Variants in ANK3 observed in about 807,000 individuals in gnomAD.
ANK3 encodes the protein ankyrin-3.
Under a neutral mutation model 370.9 loss-of-function variants are expected in ANK3, and 57 were observed. The observed-to-expected ratio is 0.15, with a 90% confidence interval of 0.12 to 0.19. The LOEUF is 0.19. Ranked by LOEUF, ANK3 falls within the 10% of genes least tolerant of loss-of-function variation. The pLI, the probability that ANK3 is intolerant of heterozygous loss-of-function variation, is 1.00. For synonymous variants in ANK3, 1,929 were observed against 1,946.3 expected, an observed-to-expected ratio of 0.99 and a Z score of 0.23; for missense variants, 4,439 against 5,302.1, an observed-to-expected ratio of 0.84 and a Z score of 5.06.
chr10:60,679,643 C>T (rs953136162), intron 1 of ANK3, among the ~76,000 whole-genome samples: 1 of 152,088 alleles, frequency 6.6e-6, no homozygotes, highest in African/African-American at 2.4e-5. Context: ...ACCGTGCATG[C>T]GGATAGCCTA....
intron 1 of ANK3, among the ~76,000 whole-genome samples, chr10:60,722,607 G>A (rs528214672): frequency 1.3e-5 from 2 of 152,210 alleles, no homozygotes; most frequent in African/African-American, 4.8e-5. Flanking sequence ...AAAGGATATG[G>A]TTTGGATGTT....
chr10:60,150,519 A>G (rs1300098569), intron 23 of ANK3, among the ~76,000 whole-genome samples: 2 of 152,030 alleles, frequency 1.3e-5, no homozygotes, highest in African/African-American at 4.8e-5. Context: ...TGCCCTCCAA[A>G]TCACATGTTG....
intron 1 of ANK3, among the ~76,000 whole-genome samples, chr10:60,642,582 T>C (rs1039211217): frequency 4.1e-5 from 6 of 146,336 alleles, no homozygotes; most frequent in Admixed American, 1.5e-4. Context: ...AATTGAACAA[T>C]GAGATCACAT....
At chr10:60,587,570 T>C (rs1191546804) in intron 2 of ANK3, among the ~76,000 whole-genome samples, 1 of 152,164 alleles carries the variant, frequency 6.6e-6, no homozygotes. Context: ...ACTGCAGTCA[T>C]GGACTCAGTG....
chr10:60,511,212 T>C (rs2076070975), intron 2 of ANK3, among the ~76,000 whole-genome samples: 1 of 152,180 alleles, frequency 6.6e-6, no homozygotes, highest in Admixed American at 6.6e-5. Flanking sequence ...AATCCTTATT[T>C]ATCTCCTTTC....
intron 25 of ANK3, among the ~76,000 whole-genome samples, chr10:60,118,681 AG>A (rs1185832855): frequency 6.6e-6 from 1 of 152,032 alleles, no homozygotes; most frequent in Admixed American, 6.6e-5. Context: ...AGTGGAGTGG[AG>A]GGCAAGCTAC....
At position 60,514,919 on chromosome 10, in the gene ANK3, G is replaced by C. The variant is rs114836867; in HGVS notation, c.96+100267C>G. ...ATATAAAATGACAAATTTTATTGTAGAGAGTTGTGTCTTTGGTTGATAACT... is the reference window on the plus strand; with the variant it reads ...ATATAAAATGACAAATTTTATTGTACAGAGTTGTGTCTTTGGTTGATAACT... On this transcript the variant is annotated intron_variant, in intron 2 of 43. Transcript: ENST00000373827. Among the ~76,000 whole-genome samples, 1,412 of 152,120 alleles carry C rather than the reference G, an allele frequency of 9.3e-3. 17 individuals carry two copies. The highest frequency in any genetic ancestry group is 0.032 in the African/African-American group (1,325 of 41,520).
chr10:60,413,214 G>A (rs560419498), intron 2 of ANK3, among the ~76,000 whole-genome samples: 2 of 152,150 alleles, frequency 1.3e-5, no homozygotes, highest in Non-Finnish European at 2.9e-5. Flanking sequence ...TTTACTAAAG[G>A]CAATATTAAG....
At position 60,074,638 on chromosome 10, in the gene ANK3, C is replaced by T; in HGVS notation, c.6243G>A (p.Met2081Ile). The T allele has an allele frequency of 6.2e-7, 1 of 1,613,944 alleles. No homozygotes were observed. The highest frequency in any genetic ancestry group is 1.1e-5 in the South Asian group (1 of 90,992). ...AIALQEHKLK[M>I]PPASMRTSTS... ...TGGAAGTCCTCATGGAGGCTGGAGG[C>T]ATTTTGAGTTTGTGTTCCTGCAAAG... is the stretch of plus-strand genomic sequence containing the variant. Residue 2081 changes from methionine to isoleucine, a missense_variant, in exon 37 of 44, where the codon ATG (methionine) becomes ATA (isoleucine). By Grantham distance (10) the Met-to-Ile change is conservative. Coordinates refer to ENST00000280772, the MANE Select transcript of ANK3 (RefSeq NM_020987.5).
intron 2 of ANK3, among the ~76,000 whole-genome samples, chr10:60,484,388 T>C (rs1280818925): frequency 6.6e-6 from 1 of 152,186 alleles, no homozygotes; most frequent in Non-Finnish European, 1.5e-5. Context: ...GGGAATTAGA[T>C]GATATCAAAG....
intron 25 of ANK3, among the ~76,000 whole-genome samples, chr10:60,125,077 G>C (rs2093688511): frequency 6.6e-6 from 1 of 151,736 alleles, no homozygotes. Flanking sequence ...TTTAAGAAAT[G>C]GATTCCATAA....
chr10:60,327,795 A>G (rs1039169240), intron 1 of ANK3, among the ~76,000 whole-genome samples: 1 of 152,334 alleles, frequency 6.6e-6, no homozygotes, highest in African/African-American at 2.4e-5. Context: ...AAAAAATGCC[A>G]GTTCTCTAGG....
chr10:60,484,718 C>G (rs113574856), intron 2 of ANK3, among the ~76,000 whole-genome samples: 3 of 152,262 alleles, frequency 2.0e-5, no homozygotes, highest in African/African-American at 7.2e-5. Context: ...AAAACAAAGA[C>G]AGAATCTAAG....
chr10:60,081,958 T>C (rs1199227739), intron 35 of ANK3, 192 bp downstream of exon 35: 6 of 426,446 alleles, frequency 1.4e-5, no homozygotes, highest in Non-Finnish European at 2.5e-5. Flanking sequence ...TCGTTGAATA[T>C]ATTTAAGTAC....
chr10:60,609,750 G>A (rs1057202866), intron 2 of ANK3, among the ~76,000 whole-genome samples: 5 of 152,196 alleles, frequency 3.3e-5, no homozygotes, highest in Middle Eastern at 3.4e-3. Flanking sequence ...AACAACATCT[G>A]TGCTAGACTG....
At position 60,210,786 on chromosome 10, in the gene ANK3, G is replaced by A. The variant is rs185840184; in HGVS notation, c.997-2553C>T. On this transcript the variant is annotated intron_variant, in intron 9 of 43. Transcript: ENST00000280772. ...TTCAGAATATGAAAAGAGGATTTGA[G>A]TGTGGTAATTCATCCAGCTGAAGAG... Among the ~76,000 whole-genome samples, 363 of 152,306 alleles carry A rather than the reference G, an allele frequency of 2.4e-3. 2 individuals are homozygous for A. Among genetic ancestry groups the A allele is most frequent in the African/African-American group, 8.4e-3 (349 of 41,562 alleles).
intron 1 of ANK3, among the ~76,000 whole-genome samples, chr10:60,378,048 C>T (rs2061042372): frequency 6.6e-6 from 1 of 151,998 alleles, no homozygotes; most frequent in African/African-American, 2.4e-5. Flanking sequence ...TTTGCCAAGC[C>T]CCCTCCTCAA....
At chr10:60,201,913 T>A (rs541052886) in intron 12 of ANK3, among the ~76,000 whole-genome samples, 10 of 151,972 alleles carry the variant, frequency 6.6e-5, no homozygotes, top group Non-Finnish European at 1.5e-4. Context: ...ACAGGTTTCA[T>A]CATTTTGGCC....
chr10:60,184,579 A>G (rs148808187), intron 17 of ANK3, among the ~76,000 whole-genome samples: 1 of 152,304 alleles, frequency 6.6e-6, no homozygotes, highest in African/African-American at 2.4e-5. Context: ...TACTCAGGAA[A>G]GTGGCCAGAA....
Sources: allele counts gnomAD v4.1 joint callset (sites outside exome capture counted in the v4.1 genomes callset), GRCh38; gene constraint gnomAD v4.1.1; transcripts MANE v1.5; gene names NCBI Gene and HGNC (gene_info 2026-07-23, HGNC 2026-07-21).